The following COL4A1 variants were observed in gnomAD, a reference collection of about 807,000 sequenced individuals.
COL4A1 encodes collagen alpha-1(IV) chain.
In COL4A1, 40 loss-of-function variants were observed where a neutral mutation model predicts 216.6. The observed-to-expected ratio is 0.18, with a 90% CI of 0.14 to 0.24. The LOEUF is 0.24. Among genes scored for constraint, COL4A1 ranks in the 10% least tolerant of loss-of-function variants. The pLI, the probability that COL4A1 is intolerant of heterozygous loss-of-function variation, is 1.00. For missense variants in COL4A1, 1,628 were observed against 2,196.8 expected, an observed-to-expected ratio of 0.74 and a Z score of 5.18; for synonymous variants, 839 against 810.7, an observed-to-expected ratio of 1.03 and a Z score of -0.59.
At chr13:110,184,477 T>C (rs1878315280) in intron 26 of COL4A1, among the ~76,000 whole-genome samples, 1 of 152,142 alleles carries the variant, frequency 6.6e-6, no homozygotes, top group Admixed American at 6.5e-5. Flanking sequence ...ATCCCCTACC[T>C]CTAATGGAGT....
chr13:110,180,125 C>T (rs1878077758), intron 29 of COL4A1, among the ~76,000 whole-genome samples: 1 of 152,010 alleles, frequency 6.6e-6, no homozygotes. Context: ...CCTATTTGTC[C>T]CAGAAGGAAA....
At chr13:110,230,624 C>T (rs895309945) in intron 2 of COL4A1, among the ~76,000 whole-genome samples, 3 of 152,178 alleles carry the variant, frequency 2.0e-5, no homozygotes, top group South Asian at 2.1e-4. Flanking sequence ...ACCTCCGGCC[C>T]CCACCACACC....
intron 1 of COL4A1, among the ~76,000 whole-genome samples, chr13:110,283,730 T>C (rs1883729233): frequency 6.6e-6 from 1 of 152,116 alleles, no homozygotes. Context: ...ATCTGTGAGC[T>C]CATCTGGGGC....
chr13:110,230,833 G>A (rs1881016464), intron 2 of COL4A1, among the ~76,000 whole-genome samples: 1 of 152,218 alleles, frequency 6.6e-6, no homozygotes, highest in Non-Finnish European at 1.5e-5. Context: ...CGGAAGCAAG[G>A]AGGCCTCCAG....
chr13:110,303,151 A>C (rs1023911183), intron 1 of COL4A1, among the ~76,000 whole-genome samples: 4 of 152,204 alleles, frequency 2.6e-5, no homozygotes, highest in Non-Finnish European at 4.4e-5. Context: ...AAATTTGCCA[A>C]CAGCCTTGTT....
chr13:110,238,975 A>G lies in COL4A1; in HGVS notation c.144+3700T>C, dbSNP rs1327377199. Among the ~76,000 whole-genome samples, 2 of 152,182 alleles carry G rather than the reference A, an allele frequency of 1.3e-5. 1 individual carries two copies. The highest frequency in any genetic ancestry group is 1.3e-4 in the Admixed American group (2 of 15,284). The stretch of plus-strand genomic sequence containing the variant: ...CAGTACAAGCAGACAGCATTCCCAC[A>G]CTGCCGCAGTCTCTGGAGGAGCACA... On this transcript the variant is annotated intron_variant, in intron 2 of 51. Coordinates refer to ENST00000375820, the MANE Select transcript of COL4A1 (RefSeq NM_001845.6).
intron 43 of COL4A1, among the ~76,000 whole-genome samples, chr13:110,168,803 C>T (rs1193554556): frequency 1.3e-5 from 2 of 152,212 alleles, no homozygotes; most frequent in Admixed American, 6.5e-5. Context: ...CCCTGATATA[C>T]TCTCTCTTTC....
At chr13:110,259,329 C>T (rs1400783366) in intron 1 of COL4A1, among the ~76,000 whole-genome samples, 2 of 152,192 alleles carry the variant, frequency 1.3e-5, no homozygotes, top group Admixed American at 6.5e-5. Context: ...ATTCACTCTC[C>T]AGTCAGGACA....
intron 2 of COL4A1, among the ~76,000 whole-genome samples, chr13:110,222,751 C>T (rs1192196): frequency 5.0e-5 from 6 of 119,614 alleles, no homozygotes; most frequent in Non-Finnish European, 6.5e-5. Context: ...CCAGCCTGGG[C>T]GACAGAGCCA....
At chr13:110,227,542 C>T (rs372548158) in intron 2 of COL4A1, among the ~76,000 whole-genome samples, 4 of 152,182 alleles carry the variant, frequency 2.6e-5, no homozygotes, top group South Asian at 4.2e-4. Context: ...GGTTCCCACG[C>T]CCCCAGACCT....
intron 33 of COL4A1, among the ~76,000 whole-genome samples, chr13:110,177,349 C>A (rs1427852693): frequency 6.6e-6 from 1 of 152,198 alleles, no homozygotes; most frequent in Non-Finnish European, 1.5e-5. Flanking sequence ...ATTCATAGTG[C>A]CCCTCAGTTC....
intron 45 of COL4A1, 78 bp downstream of exon 45, chr13:110,166,154 C>T (rs1295275201): frequency 1.1e-6 from 1 of 874,070 alleles, no homozygotes; most frequent in East Asian, 2.4e-5. Flanking sequence ...AACCAAACAC[C>T]CCAATTCTGT....
At chr13:110,177,491 C>T (rs1434074639) in intron 33 of COL4A1, among the ~76,000 whole-genome samples, 1 of 152,158 alleles carries the variant, frequency 6.6e-6, no homozygotes, top group Non-Finnish European at 1.5e-5. Context: ...GAAATAAAGA[C>T]GAAGCCTTGT....
At chr13:110,253,491 T>TA (rs1347296104) in intron 1 of COL4A1, among the ~76,000 whole-genome samples, 27 of 128,156 alleles carry the variant, frequency 2.1e-4, no homozygotes, top group South Asian at 7.3e-4. Flanking sequence ...ATGTATTATA[T>TA]ATACATATAA....
rs192888582 is a variant in COL4A1 at position 110,261,241 on chromosome 13, C to A, written c.85-18507G>T. 3.4e-3 allele frequency among the ~76,000 whole-genome samples: 513 copies of A among 152,306 alleles called. 9 individuals are homozygous for A. The highest frequency in any genetic ancestry group is 1.4e-3 in the Non-Finnish European group (94 of 68,022). On this transcript the variant is annotated intron_variant, in intron 1 of 51. Coordinates refer to ENST00000375820, the MANE Select transcript of COL4A1 (RefSeq NM_001845.6). Reference sequence around the variant, plus strand: ...GGGAATGGAGCCCCCACACACCGCCCTGGCGCAGGAAGCCCCCCGACCCAT... The same window carrying A: ...GGGAATGGAGCCCCCACACACCGCCATGGCGCAGGAAGCCCCCCGACCCAT...
Position 110,201,009 on chromosome 13 carries a change from C to T in COL4A1, c.1085-120G>A, listed in dbSNP as rs533339625. 62 of 1,122,652 alleles carry T rather than the reference C, an allele frequency of 5.5e-5. 2 individuals are homozygous for T. The South Asian group carries it at 6.6e-4, about 12-fold the overall frequency. 69.5% of individuals were successfully genotyped at this position (1,122,652 alleles called of 1,614,324 possible). On this transcript the variant is annotated intron_variant, in intron 19 of 51. Transcript: ENST00000375820. ...GGTAAGTGTCCATGGCCAAAGGGAA[C>T]GTAGAAAACAGAGCGGGAGACCACC...
At chr13:110,164,338 C>G (rs1237146844) in intron 46 of COL4A1, among the ~76,000 whole-genome samples, 1 of 152,184 alleles carries the variant, frequency 6.6e-6, no homozygotes, top group African/African-American at 2.4e-5. Flanking sequence ...ATGCTTTCAA[C>G]TTTAAAATGT....
intron 2 of COL4A1, among the ~76,000 whole-genome samples, chr13:110,232,393 C>T (rs928270442): frequency 2.0e-5 from 3 of 152,216 alleles, no homozygotes; most frequent in African/African-American, 7.2e-5. Context: ...CAGTTCTCCA[C>T]ACCCACACTA....
At chr13:110,216,729 G>A (rs1030996181) in intron 2 of COL4A1, among the ~76,000 whole-genome samples, 11 of 152,082 alleles carry the variant, frequency 7.2e-5, no homozygotes, top group African/African-American at 2.4e-4. Flanking sequence ...TTTTTTCTGG[G>A]TCACTAGAGC....
Sources: allele counts gnomAD v4.1 joint callset (sites outside exome capture counted in the v4.1 genomes callset), GRCh38; gene constraint gnomAD v4.1.1; transcripts MANE v1.5; gene names NCBI Gene and HGNC (gene_info 2026-07-23, HGNC 2026-07-21).